Variants in DIP2B observed in about 807,000 individuals in gnomAD.
DIP2B encodes the protein DIP2 acetate--CoA ligase B (putative), also known as disco-interacting protein 2 homolog B.
Under a neutral mutation model 198.0 loss-of-function variants are expected in DIP2B, and 76 were observed. The ratio of observed to expected loss-of-function variants is 0.38; its 90% CI spans 0.32 to 0.46. The LOEUF is 0.46. DIP2B is among the 20% of genes least tolerant of loss of function. The probability of loss-of-function intolerance (pLI) is 0.99; values close to 1 mark genes in which losing one functional copy is unlikely to be tolerated. For missense variants in DIP2B, 1,559 were observed against 1,978.4 expected (o/e 0.79, Z 4.02); for synonymous variants, 701 against 739.1 (o/e 0.95, Z 0.84).
intron 35 of DIP2B, among the ~76,000 whole-genome samples, chr12:50,738,820 C>T (rs951005570): frequency 5.9e-5 from 9 of 152,222 alleles, no homozygotes; most frequent in African/African-American, 2.2e-4. Flanking sequence ...GCACCTACCT[C>T]ACCTCCTGAG....
Position 50,741,508 on chromosome 12 carries a change from G to A in DIP2B, c.4447G>A (p.Val1483Met). Residue 1483 changes from valine (V) to methionine (M), a missense_variant, in exon 37 of 38, where the codon GTG becomes ATG. Coordinates refer to ENST00000301180, the MANE Select transcript of DIP2B (RefSeq NM_173602.3). ...CCACCCAATTGATATTGAGACCTCGGTGTCCCGGATCCACAGAAGCATTGC... is the reference window on the plus strand; with the variant it reads ...CCACCCAATTGATATTGAGACCTCGATGTCCCGGATCCACAGAAGCATTGC... Reference protein sequence around the residue: ...RYHPIDIETSVSRIHRSIAEC... With the variant: ...RYHPIDIETSMSRIHRSIAEC... 6.2e-7 allele frequency: 1 copy of A among 1,614,052 alleles called. No individual in the cohort carries two copies. Among genetic ancestry groups the A allele is most frequent in the Non-Finnish European group, 8.5e-7 (1 of 1,179,962 alleles).
chr12:50,551,575 C>G (rs1316841296), intron 1 of DIP2B, among the ~76,000 whole-genome samples: 1 of 152,142 alleles, frequency 6.6e-6, no homozygotes, highest in African/African-American at 2.4e-5. Context: ...TCACAGGTAG[C>G]TGGGACTACA....
chr12:50,514,339 A>G (rs1208383156), intron 1 of DIP2B, among the ~76,000 whole-genome samples: 2 of 152,092 alleles, frequency 1.3e-5, no homozygotes, highest in Non-Finnish European at 2.9e-5. Context: ...TGCTGGGATT[A>G]CAGGTGTGAG....
chr12:50,742,897 A>G (rs928181697), intron 37 of DIP2B, among the ~76,000 whole-genome samples: 1 of 148,890 alleles, frequency 6.7e-6, no homozygotes, highest in African/African-American at 2.4e-5. Context: ...CTCTGTCTCA[A>G]AAAAAAAAAA....
chr12:50,629,348 G>C (rs1937998432), intron 2 of DIP2B, among the ~76,000 whole-genome samples: 1 of 152,108 alleles, frequency 6.6e-6, no homozygotes, highest in Non-Finnish European at 1.5e-5. Flanking sequence ...AGAATCACTG[G>C]AGGGCTTGTT....
chr12:50,515,233 G>A (rs537314091), intron 1 of DIP2B, among the ~76,000 whole-genome samples: 1 of 149,126 alleles, frequency 6.7e-6, no homozygotes, highest in East Asian at 2.1e-4. Flanking sequence ...ATTGTACACT[G>A]TGGACCTTTT....
At chr12:50,618,263 A>G (rs1447718500) in intron 1 of DIP2B, among the ~76,000 whole-genome samples, 2 of 152,238 alleles carry the variant, frequency 1.3e-5, no homozygotes, top group African/African-American at 2.4e-5. Context: ...TGATGGGTCC[A>G]TGAGGTGACT....
chr12:50,605,347 T>C (rs1418256695), intron 1 of DIP2B, among the ~76,000 whole-genome samples: 1 of 152,100 alleles, frequency 6.6e-6, no homozygotes, highest in Non-Finnish European at 1.5e-5. Context: ...TTTGCGAGGC[T>C]AAGGTGGGCG....
chr12:50,652,441 G>A (rs12829833), intron 3 of DIP2B, among the ~76,000 whole-genome samples: 31,232 of 151,242 alleles, frequency 0.21, 3,948 homozygotes, highest in Non-Finnish European at 0.29. Context: ...GGAGGCTGAG[G>A]CAGGAGGATC....
chr12:50,616,454 A>G (rs1351708927), intron 1 of DIP2B, among the ~76,000 whole-genome samples: 4 of 152,272 alleles, frequency 2.6e-5, no homozygotes, highest in South Asian at 2.1e-4. Context: ...AGATTGTAGT[A>G]GTTTAACAGA....
Position 50,678,801 on chromosome 12 carries a change from G to A in DIP2B, c.1039G>A (p.Gly347Ser). The A allele has an allele frequency of 1.2e-6, 2 of 1,614,126 alleles. No homozygotes were observed. Among genetic ancestry groups the A allele is most frequent in the South Asian group, 2.2e-5 (2 of 91,084 alleles). The change falls in exon 8 of 38, where the codon GGT (glycine) becomes AGT (serine). Residue 347 changes from glycine to serine, a missense_variant. Gly to Ser is a moderately conservative substitution (Grantham distance 56, BLOSUM62 0). Transcript: ENST00000301180. ...TCTTGAATCTGCCCTGCAGCGCTGG[G>A]GTACCACTCAAGCAAAATGCTCCTG... ...PALESALQRW[G>S]TTQAKCSCLT... is the part of the protein sequence containing the mutation.
intron 1 of DIP2B, among the ~76,000 whole-genome samples, chr12:50,520,063 A>G (rs1459551781): frequency 2.0e-4 from 25 of 126,636 alleles, no homozygotes; most frequent in Admixed American, 5.5e-4. Context: ...TTTTGAGACA[A>G]TGTCTTACTT....
intron 5 of DIP2B, 24 bp from the exon 6 acceptor site, chr12:50,674,450 C>T: frequency 6.2e-7 from 1 of 1,613,874 alleles, no homozygotes; most frequent in African/African-American, 1.3e-5. Context: ...TAATATAATT[C>T]TAAACTTTGT....
At chr12:50,527,256 C>G (rs1958175148) in intron 1 of DIP2B, among the ~76,000 whole-genome samples, 1 of 152,148 alleles carries the variant, frequency 6.6e-6, no homozygotes, top group South Asian at 2.1e-4. Flanking sequence ...ACAGTGTGGC[C>G]AACTACCAAG....
chr12:50,522,842 A>G (rs1308189239), intron 1 of DIP2B, among the ~76,000 whole-genome samples: 2 of 152,210 alleles, frequency 1.3e-5, no homozygotes, highest in Admixed American at 1.3e-4. Flanking sequence ...CAGATGTTGG[A>G]CAGGGTAATG....
chr12:50,691,281 C>A, intron 13 of DIP2B, 130 bp downstream of exon 13: 2 of 856,158 alleles, frequency 2.3e-6, no homozygotes, highest in East Asian at 2.9e-5. Context: ...ACATTCTTGG[C>A]TTGCTTTTGT....
intron 1 of DIP2B, among the ~76,000 whole-genome samples, chr12:50,505,946 G>T (rs1386113325): frequency 2.0e-5 from 3 of 151,918 alleles, no homozygotes; most frequent in Non-Finnish European, 2.9e-5. Flanking sequence ...GGAAGGAGAG[G>T]AGGCTACCGT....
chr12:50,571,296 C>T (rs1445503455), intron 1 of DIP2B, among the ~76,000 whole-genome samples: 5 of 151,558 alleles, frequency 3.3e-5, no homozygotes, highest in East Asian at 3.9e-4. Flanking sequence ...CTCAGCCTCC[C>T]GAGTAGCTGG....
At chr12:50,506,208 A>G (rs1001635799) in intron 1 of DIP2B, among the ~76,000 whole-genome samples, 9 of 152,052 alleles carry the variant, frequency 5.9e-5, no homozygotes, top group African/African-American at 1.9e-4. Flanking sequence ...CAAAAGCAGC[A>G]TTTTCTCCAA....
Sources: gnomAD v4.1 joint callset for allele counts (sites outside exome capture counted in the v4.1 genomes callset) on GRCh38, gnomAD v4.1.1 for gene constraint, MANE v1.5 for transcripts, NCBI Gene and HGNC (gene_info 2026-07-23, HGNC 2026-07-21) for gene names.